PHF12: variants seen among roughly 807,000 people sequenced by gnomAD.
PHF12 encodes the protein PHD finger protein 12.
A neutral mutation model predicts 99.8 loss-of-function variants in PHF12; 6 were observed. The observed-to-expected ratio is 0.06, with a 90% CI of 0.03 to 0.12. The LOEUF (loss-of-function observed/expected upper bound fraction) is 0.12, where lower values mean the gene tolerates loss of function less well. Ranked by LOEUF, PHF12 falls within the 10% of genes least tolerant of loss-of-function variation. The pLI, the probability that PHF12 is intolerant of heterozygous loss-of-function variation, is 1.00. For synonymous variants in PHF12, 480 were observed against 514.9 expected (o/e 0.93, Z 0.92); for missense variants, 954 against 1,300.1 (o/e 0.73, Z 4.09).
rs574710247 is a variant in PHF12 at position 28,926,859 on chromosome 17, G to A, written c.321+132C>T. 2.0e-5 allele frequency: 31 copies of A among 1,556,212 alleles called. No homozygotes were observed. The African/African-American group carries it at 2.7e-4, about 14-fold the overall frequency. ...TCCAAACAGTCACCATGGGAAGAGTGGGGTGATTCCAGGGCTGGAAGAGAC... is the reference window on the plus strand; with the variant it reads ...TCCAAACAGTCACCATGGGAAGAGTAGGGTGATTCCAGGGCTGGAAGAGAC... On this transcript the variant is annotated intron_variant, in intron 3 of 14. Transcript: ENST00000332830.
Position 28,950,867 on chromosome 17 carries a change from GGAA to G in PHF12, c.66+25_66+27del, listed in dbSNP as rs775609381. On this transcript the variant is annotated intron_variant, in intron 1 of 14. Transcript: ENST00000332830. The surrounding 1 kb of genome is among the most constrained non-coding windows in gnomAD (Gnocchi z 5.7). ...GCGGAGGTTCCCTCCCGGCGCTGGA[GGAA>G]GGAGATGAGGAGGGCCACTCTTACC... The G allele has an allele frequency of 6.2e-7, 1 of 1,611,500 alleles. No individual in the cohort carries two copies. The highest frequency in any genetic ancestry group is 2.2e-5 in the East Asian group (1 of 44,566).
chr17:28,930,537 ATTAC>A (rs1470111238), intron 2 of PHF12, among the ~76,000 whole-genome samples: 7 of 152,308 alleles, frequency 4.6e-5, no homozygotes, highest in African/African-American at 1.2e-4. Flanking sequence ...CACACATGAA[ATTAC>A]TTATGTTTTC....
chr17:28,927,455 T>C (rs2040302372), intron 2 of PHF12, among the ~76,000 whole-genome samples: 1 of 152,220 alleles, frequency 6.6e-6, no homozygotes, highest in African/African-American at 2.4e-5. Context: ...TTCCCACTAT[T>C]CAAATGGAAG....
At chr17:28,907,963 T>TA in intron 12 of PHF12, 1 of 267,862 alleles carries the variant, frequency 3.7e-6, no homozygotes, top group East Asian at 8.9e-5. Context: ...TCTATGAAAA[T>TA]ACAACATCGG....
At chr17:28,945,578 A>G (rs1489145859) in intron 2 of PHF12, among the ~76,000 whole-genome samples, 1 of 152,140 alleles carries the variant, frequency 6.6e-6, no homozygotes, top group East Asian at 1.9e-4. Flanking sequence ...GTCTGTTTGG[A>G]GCAAAATGCC....
rs761623689 is a variant in PHF12 at position 28,906,195 on chromosome 17, G to C, written c.3003C>G (p.Asn1001Lys). 8 of 1,593,600 alleles carry C rather than the reference G, an allele frequency of 5.0e-6. No individual in the cohort carries two copies. In the East Asian group the frequency reaches 1.8e-4, roughly 36 times the overall value. Residue 1001 changes from asparagine to lysine, a missense_variant, in exon 15 of 15, where the codon AAC becomes AAG. Asn to Lys is a moderately conservative substitution (Grantham distance 94). Transcript: ENST00000332830. This position sits in a 1 kb window ranked among gnomAD's most constrained non-coding sequence, Gnocchi z 4.2. The part of the protein sequence containing the change: ...KPHQGPVLRS[N>K]SVP ...GTAGCCGCCAGTCCTAAGGAACAGAGTTGGAGCGCAGCACAGGGCCCTGGT... is the reference window on the plus strand; with the variant it reads ...GTAGCCGCCAGTCCTAAGGAACAGACTTGGAGCGCAGCACAGGGCCCTGGT...
At chr17:28,926,215 T>C (rs1334871651) in intron 3 of PHF12, 1 of 155,042 alleles carries the variant, frequency 6.4e-6, no homozygotes, top group Non-Finnish European at 1.4e-5. Flanking sequence ...TCATCCTGTT[T>C]CTGCAACCAA....
In PHF12 at chr17:28,906,247, A is replaced by G; in HGVS notation, c.2951T>C (p.Leu984Ser). 1 of 1,613,232 alleles carries G rather than the reference A, an allele frequency of 6.2e-7. No homozygotes were observed. Among genetic ancestry groups the G allele is most frequent in the African/African-American group, 1.3e-5 (1 of 75,048 alleles). The change falls in exon 15 of 15, where the codon TTG becomes TCG. Residue 984 changes from leucine (L) to serine (S), a missense_variant. Leu to Ser is a moderately radical substitution (Grantham distance 145). This residue lies in a region of PHF12 where 136 missense variants were observed against 172.3 expected (regional missense o/e 0.79). Transcript: ENST00000332830. The surrounding 1 kb of genome is among the most constrained non-coding windows in gnomAD (Gnocchi z 4.2). ...GGGCTTGAGAGAGAGCTTCTCGGCC[A>G]AGACCCCATCCTGCAGCAGGCTGGC... The part of the protein sequence containing the change: ...GDASLLQDGV[L>S]AEKLSLKPHQ...
chr17:28,906,051 A>G lies in PHF12; in HGVS notation c.*132T>C. On this transcript the variant is annotated 3_prime_UTR_variant, in exon 15 of 15. Coordinates refer to ENST00000332830, the MANE Select transcript of PHF12 (RefSeq NM_001033561.2). The surrounding 1 kb of genome is among the most constrained non-coding windows in gnomAD (Gnocchi z 4.2). ...AAAAAACAGTCAAAAGGTTTTCTTCATTTCATGCAAAGATTGTAGTTGAAG... is the reference window on the plus strand; with the variant it reads ...AAAAAACAGTCAAAAGGTTTTCTTCGTTTCATGCAAAGATTGTAGTTGAAG... 2.2e-6 allele frequency: 2 copies of G among 889,660 alleles called. No homozygotes were observed. Among genetic ancestry groups the G allele is most frequent in the South Asian group, 4.4e-5 (2 of 45,678 alleles). The allele number at this position is 889,660 out of a possible 1,614,324, so 55.1% of individuals were successfully genotyped here.
intron 10 of PHF12, chr17:28,910,830 C>T: frequency 2.4e-6 from 1 of 418,892 alleles, no homozygotes; most frequent in Non-Finnish European, 4.3e-6. Context: ...TCCAGGTGAT[C>T]TGCCTAAAGT....
intron 6 of PHF12, 46 bp downstream of exon 6, chr17:28,919,097 C>T: frequency 6.3e-7 from 1 of 1,588,160 alleles, no homozygotes; most frequent in South Asian, 1.1e-5. Context: ...TCAGTCCACG[C>T]TCCAGCTATG....
At chr17:28,939,211 A>G (rs1186545292) in intron 2 of PHF12, among the ~76,000 whole-genome samples, 1 of 152,250 alleles carries the variant, frequency 6.6e-6, no homozygotes, top group East Asian at 1.9e-4. Flanking sequence ...CAAAACAACA[A>G]GGACCACAAA....
chr17:28,943,194 C>G (rs1394715901), intron 2 of PHF12, among the ~76,000 whole-genome samples: 3 of 152,146 alleles, frequency 2.0e-5, no homozygotes, highest in Admixed American at 2.0e-4. Flanking sequence ...AAATTAGAAC[C>G]CTCCTACACT....
At chr17:28,948,004 C>A (rs1233376174) in intron 2 of PHF12, among the ~76,000 whole-genome samples, 1 of 152,132 alleles carries the variant, frequency 6.6e-6, no homozygotes, top group African/African-American at 2.4e-5. Context: ...TTAATTGTTA[C>A]AACTTGACAA....
chr17:28,911,450 G>C (rs1237546925), intron 9 of PHF12: 1 of 580,858 alleles, frequency 1.7e-6, no homozygotes, highest in African/African-American at 1.9e-5. Flanking sequence ...GGAGTCTCCA[G>C]AGCACTGAGA....
intron 2 of PHF12, among the ~76,000 whole-genome samples, chr17:28,935,296 G>A (rs184680960): frequency 2.0e-5 from 3 of 152,092 alleles, no homozygotes; most frequent in African/African-American, 4.8e-5. Flanking sequence ...TTTTGAGATG[G>A]AGCCTCACTC....
At chr17:28,927,093 A>G in intron 2 of PHF12, 30 bp from the exon 3 acceptor site, 1 of 1,587,794 alleles carries the variant, frequency 6.3e-7, no homozygotes, top group Non-Finnish European at 8.6e-7. Context: ...GCAAGACTAA[A>G]TAACTAGCCC....
intron 7 of PHF12, among the ~76,000 whole-genome samples, chr17:28,915,752 C>G (rs1598125776): frequency 6.6e-6 from 1 of 152,280 alleles, no homozygotes; most frequent in Middle Eastern, 3.4e-3. Flanking sequence ...GGCTAATGTT[C>G]CAGGAGAGAG....
At position 28,906,894 on chromosome 17, in the gene PHF12, G is replaced by A; in HGVS notation, c.2642C>T (p.Pro881Leu). The A allele has an allele frequency of 2.5e-6, 4 of 1,612,416 alleles. No individual in the cohort carries two copies. The highest frequency in any genetic ancestry group is 3.4e-6 in the Non-Finnish European group (4 of 1,179,210). The change falls in exon 14 of 15, where the codon CCC (proline) becomes CTC (leucine). Residue 881 changes from proline to leucine, a missense_variant. Physicochemically the swap from Pro to Leu is moderately conservative, Grantham distance 98. This residue lies in a region of PHF12 where 136 missense variants were observed against 172.3 expected (regional missense o/e 0.79). Transcript: ENST00000332830. The surrounding 1 kb of genome is among the most constrained non-coding windows in gnomAD (Gnocchi z 4.2). The part of the protein sequence containing the change: ...CDFSEKTPPT[P>L]PSSIVAKVQS... Reference sequence around the variant, plus strand: ...CACTTTGGCAACAATACTGCTTGGGGGGGTTGGCGGGGTCTTCTCCGAGAA... The same window carrying A: ...CACTTTGGCAACAATACTGCTTGGGAGGGTTGGCGGGGTCTTCTCCGAGAA...
Sources: allele counts gnomAD v4.1 joint callset (sites outside exome capture counted in the v4.1 genomes callset), GRCh38; gene constraint gnomAD v4.1.1; regional missense constraint gnomAD v4.1.1; non-coding constraint Gnocchi (gnomAD v3.1); transcripts MANE v1.5; gene names NCBI Gene and HGNC (gene_info 2026-07-23, HGNC 2026-07-21).